Variants in MYO5C observed in about 807,000 individuals in gnomAD.
MYO5C encodes the protein myosin VC, also known as unconventional myosin-Vc.
Under a neutral mutation model 235.7 loss-of-function variants are expected in MYO5C, and 194 were observed. The observed-to-expected ratio is 0.82, with a 90% confidence interval of 0.73 to 0.93. The LOEUF (loss-of-function observed/expected upper bound fraction) is 0.93. Among genes scored for constraint, MYO5C ranks in the 40% least tolerant of loss-of-function variants. The pLI, the probability that MYO5C is intolerant of heterozygous loss-of-function variation, is 0.00. For missense variants in MYO5C, 2,038 were observed against 2,127.2 expected (o/e 0.96, Z 0.82); for synonymous variants, 707 against 754.8 (o/e 0.94, Z 1.04).
chr15:52,252,560 G>A (rs1434013092), intron 12 of MYO5C, among the ~76,000 whole-genome samples: 1 of 151,930 alleles, frequency 6.6e-6, no homozygotes, highest in Non-Finnish European at 1.5e-5. Flanking sequence ...CGGATCACGA[G>A]GTCAGGAGAT....
intron 30 of MYO5C, 51 bp downstream of exon 30, chr15:52,221,111 G>T (rs973283605): frequency 2.2e-6 from 3 of 1,389,656 alleles, no homozygotes; most frequent in South Asian, 1.2e-5. Flanking sequence ...TGTCATTTCC[G>T]GGGTACAGGA....
At chr15:52,278,068 G>C in intron 4 of MYO5C, 1 of 422,820 alleles carries the variant, frequency 2.4e-6, no homozygotes, top group South Asian at 1.7e-5. Context: ...CTTCACAGGA[G>C]TGCTGTAAGA....
intron 35 of MYO5C, among the ~76,000 whole-genome samples, chr15:52,209,239 G>A (rs930303149): frequency 6.6e-6 from 1 of 152,154 alleles, no homozygotes; most frequent in East Asian, 1.9e-4. Flanking sequence ...AGACAAGGGA[G>A]GAAGCTTTCA....
intron 36 of MYO5C, among the ~76,000 whole-genome samples, chr15:52,207,804 A>C (rs2035355489): frequency 6.6e-6 from 1 of 152,254 alleles, no homozygotes; most frequent in South Asian, 2.1e-4. Context: ...ACCAACCCTA[A>C]GAAAAAGAAA....
Position 52,235,733 on chromosome 15 carries a change from C to T in MYO5C, c.2899G>A (p.Glu967Lys). Residue 967 changes from glutamate (E) to lysine (K), a missense_variant, in exon 23 of 41, where the codon GAA (glutamate) becomes AAA (lysine). Glu to Lys is a moderately conservative substitution (Grantham distance 56). Coordinates refer to ENST00000261839, the MANE Select transcript of MYO5C (RefSeq NM_018728.4). ...ATTTGTTCTTTCTGTGTTTCCAGTT[C>T]TGAATTATGCTTCTGAAGCTTTGCC... The part of the protein sequence containing the change: ...KLAKLQKHNS[E>K]LETQKEQIQL... The T allele has an allele frequency of 3.7e-6, 6 of 1,611,392 alleles. No homozygotes were observed. The highest frequency in any genetic ancestry group is 5.1e-6 in the Non-Finnish European group (6 of 1,178,670).
chr15:52,240,064 G>C (rs1164743950), intron 20 of MYO5C, among the ~76,000 whole-genome samples, 185 bp from the exon 21 acceptor site: 1 of 152,158 alleles, frequency 6.6e-6, no homozygotes, highest in Non-Finnish European at 1.5e-5. Context: ...AGGTGTATAT[G>C]AACAGACACT....
At chr15:52,212,013 AT>A (rs1193210711) in intron 34 of MYO5C, 129 bp from the exon 35 acceptor site, 23 of 867,100 alleles carry the variant, frequency 2.7e-5, no homozygotes, top group Admixed American at 1.5e-4. Flanking sequence ...ATATGGATTT[AT>A]TTCCTCTTTG....
chr15:52,199,496 T>G (rs1275863073), intron 38 of MYO5C, among the ~76,000 whole-genome samples: 3 of 152,136 alleles, frequency 2.0e-5, no homozygotes, highest in African/African-American at 4.8e-5. Context: ...TTTGAAGTCC[T>G]TCCAAGTCAA....
chr15:52,269,386 ATT>A (rs71130145), intron 8 of MYO5C, among the ~76,000 whole-genome samples: 238 of 103,978 alleles, frequency 2.3e-3, no homozygotes, highest in African/African-American at 7.9e-3. Context: ...CCACCTTTTA[ATT>A]TTTTTTTTTT....
At chr15:52,269,715 A>G (rs530831067) in intron 8 of MYO5C, 38 bp downstream of exon 8, 3 of 1,412,194 alleles carry the variant, frequency 2.1e-6, no homozygotes, top group Non-Finnish European at 3.0e-6. Flanking sequence ...TTTTTAAGAG[A>G]AAATGGCTAC....
rs753457511 is a variant in MYO5C, at chr15:52,279,614, C to T, written c.199G>A (p.Val67Met). ...AGAGCCGTGAGGTCATTCTCGCCCA[C>T]GAGGATGTCAGGATTCCGAAGTGGA... The part of the protein sequence containing the change: ...LPPLRNPDIL[V>M]GENDLTALSY... Residue 67 changes from valine (V) to methionine (M), a missense_variant, in exon 3 of 41, where the codon GTG (valine) becomes ATG (methionine). Physicochemically the swap from Val to Met is conservative, Grantham distance 21. Coordinates refer to ENST00000261839, the MANE Select transcript of MYO5C (RefSeq NM_018728.4). 4.3e-5 allele frequency: 69 copies of T among 1,613,788 alleles called. No homozygotes were observed. The highest frequency in any genetic ancestry group is 3.6e-4 in the South Asian group (33 of 91,076).
At chr15:52,258,405 G>A (rs1185619547) in intron 10 of MYO5C, among the ~76,000 whole-genome samples, 2 of 152,124 alleles carry the variant, frequency 1.3e-5, no homozygotes, top group East Asian at 1.9e-4. Flanking sequence ...CTCATTCCCA[G>A]GGGTCTGACC....
chr15:52,205,514 CA>C, intron 37 of MYO5C: 1 of 322,482 alleles, frequency 3.1e-6, no homozygotes, highest in Non-Finnish European at 5.6e-6. Flanking sequence ...TTTAGGATTT[CA>C]AAAATACTTG....
chr15:52,275,775 T>C (rs908522303), intron 4 of MYO5C, 57 bp from the exon 5 acceptor site: 6 of 1,553,298 alleles, frequency 3.9e-6, no homozygotes, highest in African/African-American at 1.4e-5. Context: ...AGGCAACATG[T>C]GCTAATTAAG....
chr15:52,263,130 A>G (rs1429795455), intron 9 of MYO5C, among the ~76,000 whole-genome samples: 1 of 152,156 alleles, frequency 6.6e-6, no homozygotes, highest in East Asian at 1.9e-4. Flanking sequence ...TGAGGAAACA[A>G]ATGTCTATTG....
At position 52,244,489 on chromosome 15, in the gene MYO5C, A is replaced by G. The variant is rs1371775224; in HGVS notation, c.2257T>C (p.Leu753=). 6 of 1,614,006 alleles carry G rather than the reference A, an allele frequency of 3.7e-6. No individual in the cohort carries two copies. The highest frequency in any genetic ancestry group is 1.1e-5 in the South Asian group (1 of 91,066). ...ACACAACTCTGCCTCAGTTTATCCAATCGAAGTTTCTCTAAATAAGCCACT... is the reference window on the plus strand; with the variant it reads ...ACACAACTCTGCCTCAGTTTATCCAGTCGAAGTTTCTCTAAATAAGCCACT... ...GQVAYLEKLR[L]DKLRQSCVMV... The change falls in exon 19 of 41, where the codon TTG becomes CTG. Residue 753 remains leucine, a synonymous_variant. Coordinates refer to ENST00000261839, the MANE Select transcript of MYO5C (RefSeq NM_018728.4).
At chr15:52,290,892 A>T (rs2037374888) in intron 1 of MYO5C, among the ~76,000 whole-genome samples, 1 of 152,234 alleles carries the variant, frequency 6.6e-6, no homozygotes, top group African/African-American at 2.4e-5. Flanking sequence ...GTATTATAAT[A>T]GCATCAGTAT....
At chr15:52,256,757 A>G (rs1449302119) in intron 10 of MYO5C, 37 bp from the exon 11 acceptor site, 1 of 1,487,186 alleles carries the variant, frequency 6.7e-7, no homozygotes, top group Non-Finnish European at 9.4e-7. Context: ...ATATAACCTG[A>G]AGCAAGACAT....
In MYO5C at chr15:52,198,058, C is replaced by T. The variant is rs186499391; in HGVS notation, c.4821-1575G>A. 1.4e-4 allele frequency among the ~76,000 whole-genome samples: 22 copies of T among 152,236 alleles called. No homozygotes were observed. The East Asian group carries it at 4.1e-3, about 28-fold the overall frequency. On this transcript the variant is annotated intron_variant, in intron 38 of 40. Coordinates refer to ENST00000261839, the MANE Select transcript of MYO5C (RefSeq NM_018728.4). ...AAGTCAGTTCCAGCTCTGGGCCAGG[C>T]ATGGTGGCTCACGCCTATAATCCCA...
Sources: gnomAD v4.1 joint callset for allele counts (sites outside exome capture counted in the v4.1 genomes callset) on GRCh38, gnomAD v4.1.1 for gene constraint, MANE v1.5 for transcripts, NCBI Gene and HGNC (gene_info 2026-07-23, HGNC 2026-07-21) for gene names.